PTPRG: variants seen among roughly 807,000 people sequenced by gnomAD.
The protein encoded by PTPRG is protein tyrosine phosphatase receptor type G.
A neutral mutation model predicts 165.3 loss-of-function variants in PTPRG; 102 were observed. The ratio of observed to expected loss-of-function variants is 0.62; its 90% CI spans 0.53 to 0.73. The LOEUF (loss-of-function observed/expected upper bound fraction) is 0.73. Ranked by LOEUF, PTPRG falls within the 30% of genes least tolerant of loss-of-function variation. The pLI, the probability that PTPRG is intolerant of heterozygous loss-of-function variation, is 0.00. For synonymous variants in PTPRG, 675 were observed against 669.5 expected, an observed-to-expected ratio of 1.01 and a Z score of -0.13; for missense variants, 1,866 against 1,861.4, an observed-to-expected ratio of 1.00 and a Z score of -0.05.
At chr3:62,180,485 A>G (rs1292229162) in intron 8 of PTPRG, among the ~76,000 whole-genome samples, 10 of 152,208 alleles carry the variant, frequency 6.6e-5, no homozygotes, top group African/African-American at 2.4e-4. Context: ...CATGGGGAGA[A>G]GGTGGAAGGT....
intron 1 of PTPRG, among the ~76,000 whole-genome samples, chr3:61,624,471 C>A (rs1023261674): frequency 1.3e-5 from 2 of 152,162 alleles, no homozygotes; most frequent in South Asian, 2.1e-4. Flanking sequence ...ATTTTAGATA[C>A]GAAATGTAGA....
chr3:62,109,443 T>C (rs1169165265), intron 5 of PTPRG, among the ~76,000 whole-genome samples: 1 of 152,242 alleles, frequency 6.6e-6, no homozygotes, highest in Non-Finnish European at 1.5e-5. Flanking sequence ...TTTTGGTTAC[T>C]GTAGTCTTGC....
chr3:62,184,024 T>C (rs1705769354), intron 8 of PTPRG, among the ~76,000 whole-genome samples: 1 of 152,190 alleles, frequency 6.6e-6, no homozygotes, highest in African/African-American at 2.4e-5. Context: ...CTCAGGCAGA[T>C]TGGGATTCAG....
chr3:61,952,142 GAC>G (rs1444423734), intron 2 of PTPRG, among the ~76,000 whole-genome samples: 10 of 121,984 alleles, frequency 8.2e-5, no homozygotes, highest in African/African-American at 2.5e-4. Flanking sequence ...AAAAAAAAAA[GAC>G]AGTATCAGAA....
intron 4 of PTPRG, among the ~76,000 whole-genome samples, chr3:62,033,992 C>T (rs1699860441): frequency 6.6e-6 from 1 of 152,126 alleles, no homozygotes; most frequent in Non-Finnish European, 1.5e-5. Context: ...TCTTGAACAC[C>T]TGACCTCAGA....
chr3:61,671,183 G>C (rs866636298), intron 1 of PTPRG, among the ~76,000 whole-genome samples: 5 of 142,208 alleles, frequency 3.5e-5, no homozygotes, highest in Non-Finnish European at 7.5e-5. Flanking sequence ...GGTGTTTCTC[G>C]CAGAGGGGGA....
rs1259264749 is a variant in PTPRG, at chr3:61,814,482, T to TA, written c.190+65501dup. Among the ~76,000 whole-genome samples, 11 of 152,210 alleles carry TA rather than the reference T, an allele frequency of 7.2e-5. No individual in the cohort carries two copies. In the South Asian group the frequency reaches 2.3e-3, roughly 32 times the overall value. Reference sequence around the variant, plus strand: ...TAACTTGCTTTGTTGATATCTGACTTACTGTAGTTCAGCTTCTCTCTAGTA... The same window carrying TA: ...TAACTTGCTTTGTTGATATCTGACTTAACTGTAGTTCAGCTTCTCTCTAGTA... On this transcript the variant is annotated intron_variant, in intron 2 of 29. Coordinates refer to ENST00000474889, the MANE Select transcript of PTPRG (RefSeq NM_002841.4).
chr3:61,842,300 G>A (rs1446944976), intron 2 of PTPRG, among the ~76,000 whole-genome samples: 1 of 152,170 alleles, frequency 6.6e-6, no homozygotes, highest in Non-Finnish European at 1.5e-5. Context: ...TTGGAAAGCT[G>A]TAATTTCACT....
intron 3 of PTPRG, among the ~76,000 whole-genome samples, chr3:61,991,786 C>G (rs573390922): frequency 2.6e-5 from 4 of 152,336 alleles, no homozygotes; most frequent in African/African-American, 9.6e-5. Flanking sequence ...CGGTTTTCTA[C>G]TTGACTTGCA....
chr3:62,019,284 G>C (rs1179039505), intron 4 of PTPRG, among the ~76,000 whole-genome samples: 4 of 152,180 alleles, frequency 2.6e-5, no homozygotes, highest in Non-Finnish European at 5.9e-5. Context: ...CACTTTGAGA[G>C]GCCAAGGTGG....
chr3:62,194,747 G>C (rs185156898), intron 9 of PTPRG, among the ~76,000 whole-genome samples: 1 of 151,944 alleles, frequency 6.6e-6, no homozygotes, highest in African/African-American at 2.4e-5. Context: ...AAGTTGCAGC[G>C]AGCTGAGATT....
rs116093045 is a variant in PTPRG, at chr3:62,065,926, G to A, written c.520-12237G>A. 6.4e-3 allele frequency among the ~76,000 whole-genome samples: 979 copies of A among 152,282 alleles called. 12 individuals are homozygous for A. Among genetic ancestry groups the A allele is most frequent in the African/African-American group, 0.022 (895 of 41,534 alleles). The stretch of plus-strand genomic sequence containing the variant: ...GTTTGGATTTATAGAACTCAGAAGC[G>A]TTTGGAAGCCTTTAGTTGTTTTGGA... On this transcript the variant is annotated intron_variant, in intron 4 of 29. Coordinates refer to ENST00000474889, the MANE Select transcript of PTPRG (RefSeq NM_002841.4).
intron 1 of PTPRG, among the ~76,000 whole-genome samples, chr3:61,623,135 G>A (rs746479191): frequency 1.3e-4 from 20 of 152,172 alleles, no homozygotes; most frequent in Admixed American, 3.3e-4. Context: ...ACTTGGATTT[G>A]GAAGGGTATG....
rs535242798 is a variant in PTPRG, at chr3:62,011,743, G to A, written c.519+8246G>A. Reference sequence around the variant, plus strand: ...ATACTCAGTGGAGAAGTTAATGCCTGGTTGTGCAAAGCAAGCGTGCAAGTT... The same window carrying A: ...ATACTCAGTGGAGAAGTTAATGCCTAGTTGTGCAAAGCAAGCGTGCAAGTT... On this transcript the variant is annotated intron_variant, in intron 4 of 29. Transcript: ENST00000474889. 9.2e-5 allele frequency among the ~76,000 whole-genome samples: 14 copies of A among 152,294 alleles called. No individual in the cohort carries two copies. The East Asian group carries it at 2.3e-3, about 25-fold the overall frequency.
chr3:62,099,793 C>CTTTTTTTTTTTTTTTTTTTTTT (rs759385441), intron 5 of PTPRG, among the ~76,000 whole-genome samples: 1 of 90,728 alleles, frequency 1.1e-5, no homozygotes, highest in Non-Finnish European at 2.0e-5. Flanking sequence ...AGTGTTAAAT[C>CTTTTTTTTTTTTTTTTTTTTTT]TTTTTTTTTT....
chr3:62,056,387 A>T (rs1184118641), intron 4 of PTPRG, among the ~76,000 whole-genome samples: 1 of 152,190 alleles, frequency 6.6e-6, no homozygotes, highest in Non-Finnish European at 1.5e-5. Flanking sequence ...GGCCCAACAC[A>T]AATTTGTAAA....
chr3:62,111,921 T>A (rs1329069748), intron 5 of PTPRG, among the ~76,000 whole-genome samples: 2 of 152,210 alleles, frequency 1.3e-5, no homozygotes, highest in Non-Finnish European at 2.9e-5. Flanking sequence ...TCTGTAGGAC[T>A]TAAAAAATTT....
At chr3:61,979,050 G>T (rs946165781) in intron 2 of PTPRG, among the ~76,000 whole-genome samples, 7 of 152,192 alleles carry the variant, frequency 4.6e-5, no homozygotes, top group Admixed American at 2.0e-4. Flanking sequence ...AAGATAAAAT[G>T]TAGAAAGTTT....
intron 12 of PTPRG, among the ~76,000 whole-genome samples, chr3:62,206,912 C>CAAAAAAAAAAAAAAAA (rs556974355): frequency 1.9e-4 from 7 of 37,338 alleles, no homozygotes; most frequent in African/African-American, 5.0e-4. Flanking sequence ...GACTCTGTCT[C>CAAAAAAAAAAAAAAAA]AAAAAAAAAA....
Sources: gnomAD v4.1 joint callset for allele counts (sites outside exome capture counted in the v4.1 genomes callset) on GRCh38, gnomAD v4.1.1 for gene constraint, MANE v1.5 for transcripts, NCBI Gene and HGNC (gene_info 2026-07-23, HGNC 2026-07-21) for gene names.